ARHGAP10: variants seen among roughly 807,000 people sequenced by gnomAD.
ARHGAP10 encodes Rho GTPase activating protein 10, also known as rho GTPase-activating protein 10.
In ARHGAP10, 87 loss-of-function variants were observed where a neutral mutation model predicts 108.6. The observed-to-expected ratio is 0.80, with a 90% CI of 0.67 to 0.96. ARHGAP10 has a LOEUF of 0.96. ARHGAP10 is among the 40% of genes least tolerant of loss of function. The pLI is 0.00. For missense variants in ARHGAP10, 939 were observed against 954.5 expected (o/e 0.98, Z 0.21); for synonymous variants, 347 against 341.1 (o/e 1.02, Z -0.19).
At chr4:147,836,038 C>T (rs1330982547) in intron 3 of ARHGAP10, among the ~76,000 whole-genome samples, 1 of 152,122 alleles carries the variant, frequency 6.6e-6, no homozygotes, top group Non-Finnish European at 1.5e-5. Context: ...CCTAAGTGTA[C>T]TTAAAAACAA....
chr4:148,047,421 G>A (rs1006289398), intron 20 of ARHGAP10, among the ~76,000 whole-genome samples: 1 of 152,226 alleles, frequency 6.6e-6, no homozygotes, highest in African/African-American at 2.4e-5. Context: ...GAAACTGTCT[G>A]TAGAATGATA....
chr4:148,011,216 C>T (rs926428324), intron 18 of ARHGAP10, among the ~76,000 whole-genome samples: 6 of 152,198 alleles, frequency 3.9e-5, no homozygotes, highest in African/African-American at 1.4e-4. Flanking sequence ...CAGAGCATAG[C>T]ACATCACCCC....
chr4:147,945,466 A>G (rs986481621), intron 14 of ARHGAP10, among the ~76,000 whole-genome samples: 2 of 152,238 alleles, frequency 1.3e-5, no homozygotes, highest in Non-Finnish European at 2.9e-5. Flanking sequence ...TTAAGTTAGA[A>G]TGAATGTCTA....
In ARHGAP10 at chr4:148,046,891, G is replaced by GGT. The variant is rs766573218; in HGVS notation, c.1869_1870dup (p.Asp624ValfsTer25). Reference sequence around the variant, plus strand: ...ATATTCAATGCTTTTTTTCCTCCTAGGTGACAATCCTTACCCTTCCAAGGA... The same window carrying GGT: ...ATATTCAATGCTTTTTTTCCTCCTAGGTGTGACAATCCTTACCCTTCCAAGGA... On this transcript the variant is annotated frameshift_variant and splice_region_variant. Transcript: ENST00000336498. LOFTEE classifies it high-confidence loss of function. 24 of 1,605,220 alleles carry GGT rather than the reference G, an allele frequency of 1.5e-5. No individual in the cohort carries two copies. The highest frequency in any genetic ancestry group is 1.9e-5 in the Non-Finnish European group (22 of 1,176,776).
chr4:148,050,488 C>T (rs1487688836), intron 20 of ARHGAP10, among the ~76,000 whole-genome samples: 2 of 151,120 alleles, frequency 1.3e-5, no homozygotes, highest in African/African-American at 2.4e-5. Flanking sequence ...ATTCTCCTGC[C>T]TCAGCCTCCC....
chr4:147,981,317 A>G (rs554385444), intron 18 of ARHGAP10, among the ~76,000 whole-genome samples: 28 of 152,338 alleles, frequency 1.8e-4, no homozygotes, highest in African/African-American at 5.5e-4. Flanking sequence ...GGTTTACCCA[A>G]AAGTCATTCA....
At chr4:147,766,125 AAAATAAAT>A (rs199696238) in intron 1 of ARHGAP10, among the ~76,000 whole-genome samples, 2 of 152,036 alleles carry the variant, frequency 1.3e-5, no homozygotes, top group African/African-American at 4.8e-5. Flanking sequence ...TACTGGAAAA[AAAATAAAT>A]AAATAAATTA....
At chr4:147,819,720 G>A (rs1732403472) in intron 1 of ARHGAP10, among the ~76,000 whole-genome samples, 1 of 151,918 alleles carries the variant, frequency 6.6e-6, no homozygotes, top group Non-Finnish European at 1.5e-5. Flanking sequence ...CACCACGCCT[G>A]GCTACTTTTT....
At chr4:147,889,822 A>C (rs1735723373) in intron 10 of ARHGAP10, among the ~76,000 whole-genome samples, 1 of 151,906 alleles carries the variant, frequency 6.6e-6, no homozygotes, top group South Asian at 2.1e-4. Flanking sequence ...AAGAGCTTTT[A>C]CTTATTTGTG....
chr4:147,852,628 A>G (rs1733915363), intron 4 of ARHGAP10, among the ~76,000 whole-genome samples: 1 of 151,802 alleles, frequency 6.6e-6, no homozygotes, highest in Non-Finnish European at 1.5e-5. Flanking sequence ...CACATAAGGA[A>G]GCCAGTTTTA....
chr4:147,772,837 T>A (rs1315395844), intron 1 of ARHGAP10, among the ~76,000 whole-genome samples: 1 of 152,194 alleles, frequency 6.6e-6, no homozygotes, highest in Non-Finnish European at 1.5e-5. Context: ...GAGCTTGGTT[T>A]CCTGAAAGCT....
intron 18 of ARHGAP10, among the ~76,000 whole-genome samples, chr4:148,002,802 C>T (rs1172111289): frequency 6.6e-6 from 1 of 152,102 alleles, no homozygotes; most frequent in Non-Finnish European, 1.5e-5. Context: ...ATTCTTTTCT[C>T]TTTTCTTCTT....
At chr4:148,004,609 G>T (rs533286326) in intron 18 of ARHGAP10, among the ~76,000 whole-genome samples, 2 of 152,192 alleles carry the variant, frequency 1.3e-5, no homozygotes, top group Non-Finnish European at 2.9e-5. Flanking sequence ...GCAGGAAACC[G>T]CAGGCATCCT....
intron 18 of ARHGAP10, among the ~76,000 whole-genome samples, chr4:147,981,944 CAGGGGCGTGA>C (rs112553527): frequency 0.01 from 1,524 of 152,228 alleles, 20 homozygotes; most frequent in South Asian, 0.028. Flanking sequence ...ACTTTGAGCC[CAGGGGCGTGA>C]TCATATGTGA....
intron 22 of ARHGAP10, among the ~76,000 whole-genome samples, chr4:148,070,145 G>A (rs1015994753): frequency 3.9e-5 from 6 of 152,210 alleles, no homozygotes; most frequent in African/African-American, 1.4e-4. Context: ...AGAAGAGAAT[G>A]TCTCAGTGTG....
At chr4:147,761,440 G>C (rs1729587961) in intron 1 of ARHGAP10, among the ~76,000 whole-genome samples, 1 of 152,128 alleles carries the variant, frequency 6.6e-6, no homozygotes, top group Admixed American at 6.5e-5. Flanking sequence ...ATTTGTATGT[G>C]GCTTCTTTGG....
intron 18 of ARHGAP10, among the ~76,000 whole-genome samples, chr4:148,013,645 G>A (rs374932521): frequency 1.4e-3 from 210 of 152,146 alleles, no homozygotes; most frequent in African/African-American, 4.6e-3. Context: ...CTGAGGTTGC[G>A]CCACTGCACT....
intron 10 of ARHGAP10, among the ~76,000 whole-genome samples, chr4:147,891,721 G>A (rs769608033): frequency 3.4e-4 from 51 of 152,192 alleles, no homozygotes; most frequent in African/African-American, 7.7e-4. Context: ...ACTACATGAC[G>A]TCAGCCACAT....
chr4:147,953,181 A>G, intron 15 of ARHGAP10, among the ~76,000 whole-genome samples: 1 of 151,962 alleles, frequency 6.6e-6, no homozygotes, highest in Admixed American at 6.6e-5. Flanking sequence ...TTTTATTTAG[A>G]ATAGTTGCAT....
Sources: allele counts gnomAD v4.1 joint callset (sites outside exome capture counted in the v4.1 genomes callset), GRCh38; gene constraint gnomAD v4.1.1; transcripts MANE v1.5; gene names NCBI Gene and HGNC (gene_info 2026-07-23, HGNC 2026-07-21).